USP6NL: variants seen among roughly 807,000 people sequenced by gnomAD.
The protein encoded by USP6NL is USP6 N-terminal like.
USP6NL carries 26 observed loss-of-function variants against 61.9 expected under a neutral mutation model. That is an observed-to-expected ratio of 0.42 (90% CI 0.31 to 0.58). The LOEUF (loss-of-function observed/expected upper bound fraction) is 0.58, where lower values mean the gene tolerates loss of function less well. Ranked by LOEUF, USP6NL falls within the 20% of genes least tolerant of loss-of-function variation. The probability of loss-of-function intolerance (pLI) is 0.16; values close to 1 mark genes in which losing one functional copy is unlikely to be tolerated. For missense variants in USP6NL, 1,114 were observed against 1,034.3 expected (o/e 1.08, Z -1.06); for synonymous variants, 432 against 390.1 (o/e 1.11, Z -1.27).
At chr10:11,500,141 G>C (rs1416841543) in intron 7 of USP6NL, among the ~76,000 whole-genome samples, 1 of 152,124 alleles carries the variant, frequency 6.6e-6, no homozygotes, top group Non-Finnish European at 1.5e-5. Context: ...CACATGATGA[G>C]GAACAAAACA....
intron 14 of USP6NL, among the ~76,000 whole-genome samples, chr10:11,469,995 A>G (rs961269212): frequency 4.6e-5 from 7 of 152,232 alleles, no homozygotes; most frequent in Admixed American, 3.9e-4. Context: ...TAATATTCTC[A>G]GAAATTCCAC....
chr10:11,534,241 T>G (rs2133429339), intron 2 of USP6NL, among the ~76,000 whole-genome samples: 1 of 152,352 alleles, frequency 6.6e-6, no homozygotes, highest in South Asian at 2.1e-4. Flanking sequence ...CCATCTCCAG[T>G]TGTCCTTGCT....
chr10:11,534,407 T>C (rs762149073), intron 2 of USP6NL, among the ~76,000 whole-genome samples: 2 of 152,246 alleles, frequency 1.3e-5, no homozygotes, highest in East Asian at 3.8e-4. Flanking sequence ...TCCGTAACAT[T>C]GCCGCAGGCC....
At position 11,537,813 on chromosome 10, in the gene USP6NL, T is replaced by TA. The variant is rs1167144735; in HGVS notation, c.5-10247dup. On this transcript the variant is annotated intron_variant, in intron 2 of 14. Transcript: ENST00000609104. This position sits in a 1 kb window ranked among gnomAD's most constrained non-coding sequence, Gnocchi z 5.1. ...GCTGGCCTCTGGGTGTGCCCACTTG[T>TA]AATGCTATTGCCCAAATGATTTCCC... 3.3e-5 allele frequency among the ~76,000 whole-genome samples: 5 copies of TA among 152,190 alleles called. No individual in the cohort carries two copies. The highest frequency in any genetic ancestry group is 7.4e-5 in the Non-Finnish European group (5 of 68,024).
rs1715419300 is a variant in USP6NL, at chr10:11,537,778, C to T, written c.5-10211G>A. Among the ~76,000 whole-genome samples, 1 of 152,194 alleles carries T rather than the reference C, an allele frequency of 6.6e-6. No homozygotes were observed. The highest frequency in any genetic ancestry group is 6.5e-5 in the Admixed American group (1 of 15,272). On this transcript the variant is annotated intron_variant, in intron 2 of 14. Transcript: ENST00000609104. This position sits in a 1 kb window ranked among gnomAD's most constrained non-coding sequence, Gnocchi z 5.1. The stretch of plus-strand genomic sequence containing the variant: ...CCGGGGTGGAAGGACCAGGCACACA[C>T]ACTGCACCTGCTGGCCTCTGGGTGT...
At chr10:11,483,642 AG>A (rs1196989766) in intron 13 of USP6NL, among the ~76,000 whole-genome samples, 1 of 2,622 alleles carries the variant, frequency 3.8e-4, no homozygotes, top group Non-Finnish European at 9.0e-4. Flanking sequence ...GGAGAGGGGG[AG>A]GGGGAGAGGG....
In USP6NL at chr10:11,589,447, CAAT is replaced by C. The variant is rs1228769061; in HGVS notation, c.4+8181_4+8183del. 6.6e-6 allele frequency among the ~76,000 whole-genome samples: 1 copy of C among 152,066 alleles called. No homozygotes were observed. Among genetic ancestry groups the C allele is most frequent in the East Asian group, 1.9e-4 (1 of 5,198 alleles). On this transcript the variant is annotated intron_variant, in intron 2 of 14. Transcript: ENST00000609104. This position sits in a 1 kb window ranked among gnomAD's most constrained non-coding sequence, Gnocchi z 4.7. ...CCTACATCTACATATCATAGAAAGA[CAAT>C]AATATAAAATTGTTACCAAAGGAAA...
In USP6NL at chr10:11,485,556, T is replaced by C. The variant is rs1833428067; in HGVS notation, c.759+261A>G. Among the ~76,000 whole-genome samples the C allele has an allele frequency of 1.3e-5, 2 of 152,192 alleles. No homozygotes were observed. The highest frequency in any genetic ancestry group is 4.8e-5 in the African/African-American group (2 of 41,456). On this transcript the variant is annotated intron_variant, in intron 11 of 14. Coordinates refer to ENST00000609104, the MANE Select transcript of USP6NL (RefSeq NM_014688.5). The surrounding 1 kb of genome is among the most constrained non-coding windows in gnomAD (Gnocchi z 4.8). ...AAAAACCTCCAAAACAACTGGGAGA[T>C]CCCATATCTTTAAATTATCACATTG...
intron 2 of USP6NL, chr10:11,564,610 AAAT>A (rs1261820186): frequency 1.3e-5 from 2 of 152,216 alleles, no homozygotes; most frequent in Admixed American, 6.5e-5. Flanking sequence ...ACCCTCTAGA[AAAT>A]AATCATATAC....
chr10:11,557,535 T>A (rs1021692864), intron 2 of USP6NL, among the ~76,000 whole-genome samples: 9 of 152,222 alleles, frequency 5.9e-5, no homozygotes, highest in Non-Finnish European at 1.0e-4. Flanking sequence ...AATTGGATTA[T>A]CTCTAGCGTT....
chr10:11,485,642 A>G lies in USP6NL; in HGVS notation c.759+175T>C, dbSNP rs537393738. 3.0e-4 allele frequency among the ~76,000 whole-genome samples: 46 copies of G among 152,306 alleles called. No homozygotes were observed. Among genetic ancestry groups the G allele is most frequent in the Non-Finnish European group, 1.9e-4 (13 of 68,012 alleles). ...CAGTAAGAACTGTGATAGCCTGTCA[A>G]TATTAAATTTTACAAATCTAATGGT... is the stretch of plus-strand genomic sequence containing the variant. On this transcript the variant is annotated intron_variant, in intron 11 of 14. Coordinates refer to ENST00000609104, the MANE Select transcript of USP6NL (RefSeq NM_014688.5). This position sits in a 1 kb window ranked among gnomAD's most constrained non-coding sequence, Gnocchi z 4.8.
At chr10:11,483,543 AGAGGGAGG>A (rs1200971210) in intron 13 of USP6NL, among the ~76,000 whole-genome samples, 1 of 53,340 alleles carries the variant, frequency 1.9e-5, no homozygotes, top group African/African-American at 8.4e-5. Flanking sequence ...AGGGAGAGAG[AGAGGGAGG>A]GAGGGAGGGA....
chr10:11,523,206 C>T (rs1392050309), intron 4 of USP6NL, among the ~76,000 whole-genome samples: 1 of 152,188 alleles, frequency 6.6e-6, no homozygotes, highest in African/African-American at 2.4e-5. Flanking sequence ...AGACTAGGCT[C>T]CTGGGTCAGA....
chr10:11,561,045 C>A lies in USP6NL; in HGVS notation c.5-33478G>T, dbSNP rs1418004401. Among the ~76,000 whole-genome samples the A allele has an allele frequency of 6.6e-6, 1 of 152,110 alleles. No individual in the cohort carries two copies. The highest frequency in any genetic ancestry group is 1.5e-5 in the Non-Finnish European group (1 of 67,994). ...TTAATCTACATCTATTTCGAGCATA[C>A]TCAAGCAGCCCTGAATATCTCATTA... On this transcript the variant is annotated intron_variant, in intron 2 of 14. Coordinates refer to ENST00000609104, the MANE Select transcript of USP6NL (RefSeq NM_014688.5). The surrounding 1 kb of genome is among the most constrained non-coding windows in gnomAD (Gnocchi z 4.1).
In USP6NL at chr10:11,596,643, C is replaced by A. The variant is rs1042210655; in HGVS notation, c.4+988G>T. Among the ~76,000 whole-genome samples, 1 of 151,060 alleles carries A rather than the reference C, an allele frequency of 6.6e-6. No individual in the cohort carries two copies. Among genetic ancestry groups the A allele is most frequent in the Non-Finnish European group, 1.5e-5 (1 of 67,730 alleles). On this transcript the variant is annotated intron_variant, in intron 2 of 14. Transcript: ENST00000609104. The surrounding 1 kb of genome is among the most constrained non-coding windows in gnomAD (Gnocchi z 4.1). Reference sequence around the variant, plus strand: ...CGTCTCAAAAAAAAAAAAAAAAACTCTTTCTTAATCTGTACTGAACTCATC... The same window carrying A: ...CGTCTCAAAAAAAAAAAAAAAAACTATTTCTTAATCTGTACTGAACTCATC...
chr10:11,497,663 G>C (rs1833995829), intron 7 of USP6NL, among the ~76,000 whole-genome samples: 1 of 152,086 alleles, frequency 6.6e-6, no homozygotes, highest in South Asian at 2.1e-4. Flanking sequence ...CCTCATGGTG[G>C]AAGAAAAGCC....
intron 2 of USP6NL, among the ~76,000 whole-genome samples, chr10:11,534,675 G>T (rs1835770902): frequency 6.6e-6 from 1 of 152,178 alleles, no homozygotes; most frequent in South Asian, 2.1e-4. Context: ...AAAGGGACAT[G>T]GCTGTGACCT....
intron 2 of USP6NL, among the ~76,000 whole-genome samples, chr10:11,578,553 A>AT (rs1187412379): frequency 1.3e-5 from 2 of 152,186 alleles, no homozygotes; most frequent in Non-Finnish European, 2.9e-5. Flanking sequence ...GCAATGAGCT[A>AT]TGATTGCACC....
At chr10:11,578,002 C>T (rs1192896217) in intron 2 of USP6NL, among the ~76,000 whole-genome samples, 1 of 152,160 alleles carries the variant, frequency 6.6e-6, no homozygotes, top group Non-Finnish European at 1.5e-5. Context: ...CTCACTCTGT[C>T]GTTCAGGCTG....
Sources: gnomAD v4.1 joint callset for allele counts (sites outside exome capture counted in the v4.1 genomes callset) on GRCh38, gnomAD v4.1.1 for gene constraint, Gnocchi (gnomAD v3.1) non-coding constraint, MANE v1.5 for transcripts, NCBI Gene and HGNC (gene_info 2026-07-23, HGNC 2026-07-21) for gene names.